TTC7B: variants seen among roughly 807,000 people sequenced by gnomAD.
The protein encoded by TTC7B is tetratricopeptide repeat domain 7B.
A neutral mutation model predicts 106.8 loss-of-function variants in TTC7B; 28 were observed. That is an observed-to-expected ratio of 0.26 (90% CI 0.19 to 0.36). TTC7B has a LOEUF of 0.36. TTC7B is among the 10% of genes least tolerant of loss of function. The pLI is 1.00. For synonymous variants in TTC7B, 405 were observed against 430.6 expected (o/e 0.94, Z 0.74); for missense variants, 862 against 1,076.4 (o/e 0.80, Z 2.79).
At chr14:90,653,310 C>A (rs1458308735) in intron 12 of TTC7B, among the ~76,000 whole-genome samples, 1 of 152,226 alleles carries the variant, frequency 6.6e-6, no homozygotes, top group Non-Finnish European at 1.5e-5. Context: ...TTGATTTTGA[C>A]AGCCTTGCCT....
intron 2 of TTC7B, 123 bp from the exon 3 acceptor site, chr14:90,781,029 A>G: frequency 1.2e-6 from 1 of 844,626 alleles, no homozygotes; most frequent in East Asian, 2.6e-5. Context: ...TTGGACGTGA[A>G]TGTTCTGAGC....
At position 90,578,022 on chromosome 14, in the gene TTC7B, G is replaced by C; in HGVS notation, c.2310+84C>G. The C allele has an allele frequency of 2.0e-6, 3 of 1,470,218 alleles. No individual in the cohort carries two copies. The Admixed American group carries it at 5.9e-5, about 29-fold the overall frequency. The allele number at this position is 1,470,218 out of a possible 1,614,324, so 91.1% of individuals were successfully genotyped here. A position where few individuals can be genotyped will look rare whatever the true frequency, so the allele number is the denominator to read the frequency against. ...CATGGGGCCTTTGGAAGCAGAAGAG[G>C]GTGTGAGGGTCATGTGCTACCTGCC... On this transcript the variant is annotated intron_variant, in intron 19 of 19. Transcript: ENST00000328459. The surrounding 1 kb of genome is among the most constrained non-coding windows in gnomAD (Gnocchi z 4.7).
intron 18 of TTC7B, among the ~76,000 whole-genome samples, chr14:90,589,368 T>C (rs915430039): frequency 7.2e-5 from 11 of 152,230 alleles, no homozygotes; most frequent in Admixed American, 6.5e-5. Flanking sequence ...GTGCAGGATT[T>C]GCACATCCTC....
chr14:90,771,357 A>C (rs1890857081), intron 3 of TTC7B, among the ~76,000 whole-genome samples: 1 of 152,156 alleles, frequency 6.6e-6, no homozygotes, highest in Admixed American at 6.5e-5. Context: ...GCACTTTGAG[A>C]GGTCAAGGCG....
chr14:90,685,615 A>G (rs1001208019), intron 7 of TTC7B, among the ~76,000 whole-genome samples: 2 of 152,246 alleles, frequency 1.3e-5, no homozygotes, highest in Non-Finnish European at 2.9e-5. Flanking sequence ...TGACTCTAAA[A>G]AAGAGAAAAA....
chr14:90,783,739 C>T (rs913349420), intron 2 of TTC7B, among the ~76,000 whole-genome samples: 15 of 152,044 alleles, frequency 9.9e-5, no homozygotes, highest in African/African-American at 3.6e-4. Flanking sequence ...CAGTTCGAGA[C>T]CAGCCTGGCC....
chr14:90,526,533 A>G lies in TTC7B; in HGVS notation c.*14835T>C, dbSNP rs1889152980. The G allele has an allele frequency of 6.6e-6, 1 of 152,210 alleles. No individual in the cohort carries two copies. The highest frequency in any genetic ancestry group is 6.5e-5 in the Admixed American group (1 of 15,278). 9.4% of individuals were successfully genotyped at this position (152,210 alleles called of 1,614,324 possible). A position where few individuals can be genotyped will look rare whatever the true frequency, so the allele number is the denominator to read the frequency against. On this transcript the variant is annotated 3_prime_UTR_variant, in exon 20 of 20. Transcript: ENST00000328459. ...CTTTATTTAGATGTCAGCAGCTTAT[A>G]ATACGAATGTGCCTGATATGGTTTG...
chr14:90,567,401 T>C (rs550202417), intron 19 of TTC7B: 1 of 152,290 alleles, frequency 6.6e-6, no homozygotes, highest in East Asian at 1.9e-4. Flanking sequence ...GACTTCTTTC[T>C]AGTGGAGAGC....
chr14:90,732,698 CCA>C (rs1385499813), intron 4 of TTC7B, among the ~76,000 whole-genome samples: 1 of 151,946 alleles, frequency 6.6e-6, no homozygotes, highest in Non-Finnish European at 1.5e-5. Flanking sequence ...TTTTCATAAT[CCA>C]GTCTGGATCA....
At position 90,535,301 on chromosome 14, in the gene TTC7B, T is replaced by G. The variant is rs1439909115; in HGVS notation, c.*6067A>C. ...CCTCTTGGCTGAGTGGGGCGGCTCCTTCAAAGAAGGGCCTCCTCCCTCCTC... is the reference window on the plus strand; with the variant it reads ...CCTCTTGGCTGAGTGGGGCGGCTCCGTCAAAGAAGGGCCTCCTCCCTCCTC... On this transcript the variant is annotated 3_prime_UTR_variant, in exon 20 of 20. Coordinates refer to ENST00000328459, the MANE Select transcript of TTC7B (RefSeq NM_001010854.2). 2 of 152,432 alleles carry G rather than the reference T, an allele frequency of 1.3e-5. No individual in the cohort carries two copies. The highest frequency in any genetic ancestry group is 2.9e-5 in the Non-Finnish European group (2 of 68,244). 9.4% of individuals were successfully genotyped at this position (152,432 alleles called of 1,614,324 possible).
chr14:90,615,155 A>G (rs1893018640), intron 16 of TTC7B, among the ~76,000 whole-genome samples: 1 of 152,260 alleles, frequency 6.6e-6, no homozygotes, highest in Non-Finnish European at 1.5e-5. Flanking sequence ...TCCAATGCTC[A>G]GTTTAGTGAC....
At chr14:90,666,256 G>A (rs913659795) in intron 9 of TTC7B, among the ~76,000 whole-genome samples, 1 of 152,136 alleles carries the variant, frequency 6.6e-6, no homozygotes, top group Non-Finnish European at 1.5e-5. Context: ...CCACCTCCTG[G>A]GTTCAAGTGA....
chr14:90,740,499 T>TC (rs2139998314), intron 4 of TTC7B, among the ~76,000 whole-genome samples: 1 of 136,104 alleles, frequency 7.3e-6, no homozygotes, highest in East Asian at 2.1e-4. Flanking sequence ...TTTGACTTTT[T>TC]TTTTTTTTTT....
chr14:90,698,208 G>A (rs1303208264), intron 5 of TTC7B: 1 of 152,070 alleles, frequency 6.6e-6, no homozygotes, highest in Non-Finnish European at 1.5e-5. Flanking sequence ...GTTGCCATGA[G>A]AGCAGAAAAG....
intron 2 of TTC7B, among the ~76,000 whole-genome samples, chr14:90,782,139 T>G (rs543366845): frequency 2.0e-5 from 3 of 152,228 alleles, no homozygotes; most frequent in Admixed American, 6.5e-5. Context: ...TTCCAGGCAT[T>G]TCTTGGAAGA....
At chr14:90,567,888 G>C (rs985681653) in intron 19 of TTC7B, among the ~76,000 whole-genome samples, 1 of 152,230 alleles carries the variant, frequency 6.6e-6, no homozygotes, top group Non-Finnish European at 1.5e-5. Flanking sequence ...CAGCCTCGAT[G>C]CTGGGAGAGA....
chr14:90,545,874 C>T (rs760066194), intron 19 of TTC7B, among the ~76,000 whole-genome samples: 1 of 152,226 alleles, frequency 6.6e-6, no homozygotes, highest in Non-Finnish European at 1.5e-5. Context: ...TTCTAGGGTT[C>T]TTGCTGGCTT....
chr14:90,744,883 C>T lies in TTC7B; in HGVS notation c.485G>A (p.Ser162Asn), dbSNP rs1187125829. Residue 162 changes from serine to asparagine, a missense_variant, in exon 4 of 20, where the codon AGT (serine) becomes AAT (asparagine). Physicochemically the swap from Ser to Asn is conservative, Grantham distance 46. Transcript: ENST00000328459. ...LEKLPISSSTSNLHVDREQDV... is the reference protein window; with the variant it reads ...LEKLPISSSTNNLHVDREQDV... Reference sequence around the variant, plus strand: ...CTGTTCCCGGTCCACATGGAGATTACTGGTAGAAGAAGAAATAGGCAGCTT... The same window carrying T: ...CTGTTCCCGGTCCACATGGAGATTATTGGTAGAAGAAGAAATAGGCAGCTT... 2.5e-6 allele frequency: 4 copies of T among 1,613,912 alleles called. No individual in the cohort carries two copies. The highest frequency in any genetic ancestry group is 3.4e-6 in the Non-Finnish European group (4 of 1,179,988).
intron 1 of TTC7B, among the ~76,000 whole-genome samples, chr14:90,811,056 CTG>C (rs1169830030): frequency 6.6e-6 from 1 of 152,206 alleles, no homozygotes; most frequent in Admixed American, 6.5e-5. Flanking sequence ...CCCAGCCCCA[CTG>C]TGCACAGCCA....
Sources: allele counts gnomAD v4.1 joint callset (sites outside exome capture counted in the v4.1 genomes callset), GRCh38; gene constraint gnomAD v4.1.1; non-coding constraint Gnocchi (gnomAD v3.1); transcripts MANE v1.5; gene names NCBI Gene and HGNC (gene_info 2026-07-23, HGNC 2026-07-21).